The following SMC2 variants were observed in gnomAD, a reference collection of about 807,000 sequenced individuals.
The protein encoded by SMC2 is structural maintenance of chromosomes 2.
In SMC2, 41 loss-of-function variants were observed where a neutral mutation model predicts 142.6. That is an observed-to-expected ratio of 0.29 (90% CI 0.22 to 0.37). The LOEUF (loss-of-function observed/expected upper bound fraction) is 0.37. SMC2 is among the 10% of genes least tolerant of loss of function. The probability of loss-of-function intolerance (pLI) is 1.00; values close to 1 mark genes in which losing one functional copy is unlikely to be tolerated. For synonymous variants in SMC2, 463 were observed against 457.5 expected, an observed-to-expected ratio of 1.01 and a Z score of -0.15; for missense variants, 1,265 against 1,373.7, an observed-to-expected ratio of 0.92 and a Z score of 1.25.
chr9:104,137,860 A>T (rs1001413476), intron 23 of SMC2, among the ~76,000 whole-genome samples, 158 bp from the exon 24 acceptor site: 5,505 of 152,000 alleles, frequency 0.036, 328 homozygotes, highest in African/African-American at 0.13. Context: ...TTAATACAAC[A>T]AAAGTGTTAA....
intron 14 of SMC2, among the ~76,000 whole-genome samples, chr9:104,117,555 G>A (rs577134027): frequency 2.0e-5 from 3 of 152,264 alleles, no homozygotes; most frequent in South Asian, 2.1e-4. Flanking sequence ...ACTGGCAGAC[G>A]ACTGCTCTAG....
At chr9:104,096,053 T>C in intron 2 of SMC2, 95 bp from the exon 3 acceptor site, 3 of 1,109,150 alleles carry the variant, frequency 2.7e-6, no homozygotes, top group Admixed American at 4.2e-5. Context: ...GGACACTACG[T>C]TGGTGGGTTT....
At chr9:104,137,596 T>A (rs1416065379) in intron 23 of SMC2, among the ~76,000 whole-genome samples, 28 of 152,158 alleles carry the variant, frequency 1.8e-4, no homozygotes, top group Non-Finnish European at 1.5e-5. Flanking sequence ...ATTATGAAAG[T>A]TTGAAAAATG....
intron 13 of SMC2, among the ~76,000 whole-genome samples, chr9:104,115,808 C>G (rs1833039769): frequency 6.6e-6 from 1 of 152,038 alleles, no homozygotes; most frequent in South Asian, 2.1e-4. Flanking sequence ...TTTATTTATC[C>G]TACCCAACTG....
rs556682876 is a variant in SMC2, at chr9:104,133,760, T to C, written c.3109-655T>C. Among the ~76,000 whole-genome samples the C allele has an allele frequency of 3.2e-4, 48 of 152,238 alleles. No homozygotes were observed. In the South Asian group the frequency reaches 8.5e-3, roughly 27 times the overall value. ...CAAGACAGGGGCAGGCCAAACAGCT[T>C]TCTTTTCTCTTGGGATGTAATCCTG... is the stretch of plus-strand genomic sequence containing the variant. On this transcript the variant is annotated intron_variant, in intron 22 of 24. Coordinates refer to ENST00000374793, the MANE Select transcript of SMC2 (RefSeq NM_006444.3).
At chr9:104,132,197 A>G in intron 22 of SMC2, 72 bp downstream of exon 22, 1 of 790,482 alleles carries the variant, frequency 1.3e-6, no homozygotes, top group Non-Finnish European at 2.1e-6. Flanking sequence ...ATACTCTATA[A>G]GAAATTTGAA....
intron 14 of SMC2, among the ~76,000 whole-genome samples, chr9:104,117,518 CT>C (rs1380435197): frequency 6.6e-6 from 1 of 152,176 alleles, no homozygotes; most frequent in Non-Finnish European, 1.5e-5. Flanking sequence ...TACTTTTACT[CT>C]CAGTTATTGT....
In SMC2 at chr9:104,126,714, C is replaced by A; in HGVS notation, c.2525C>A (p.Ala842Asp). 1 of 1,612,510 alleles carries A rather than the reference C, an allele frequency of 6.2e-7. No individual in the cohort carries two copies. Among genetic ancestry groups the A allele is most frequent in the Non-Finnish European group, 8.5e-7 (1 of 1,179,128 alleles). ...ACATCTTACAAACAACAGCTTGAAG[C>A]TGTAAATGAAGCTATCAAATCCTAT... is the stretch of plus-strand genomic sequence containing the variant. The part of the protein sequence containing the change: ...EHTSYKQQLE[A>D]VNEAIKSYES... Residue 842 changes from alanine to aspartate, a missense_variant, in exon 19 of 25, where the codon GCT becomes GAT. By Grantham distance (126) the Ala-to-Asp change is moderately radical. Transcript: ENST00000374793.
At position 104,126,630 on chromosome 9, in the gene SMC2, A is replaced by AT. The variant is rs748397888; in HGVS notation, c.2452-5dup. On this transcript the variant is annotated splice_polypyrimidine_tract_variant and intron_variant, in intron 18 of 24. Transcript: ENST00000374793. The stretch of plus-strand genomic sequence containing the variant: ...ACCTATATGAATACCTGAATACTGT[A>AT]TTTTTTATAGGAAGTTGAAGCTATC... The AT allele has an allele frequency of 5.0e-6, 8 of 1,599,288 alleles. No individual in the cohort carries two copies. The highest frequency in any genetic ancestry group is 3.3e-4 in the Middle Eastern group (2 of 6,040).
At chr9:104,125,128 G>T in intron 18 of SMC2, 23 bp downstream of exon 18, 3 of 1,529,402 alleles carry the variant, frequency 2.0e-6, no homozygotes, top group South Asian at 2.5e-5. Flanking sequence ...TTTTGAAATT[G>T]AACCAACCTT....
intron 19 of SMC2, 35 bp from the exon 20 acceptor site, chr9:104,127,251 C>A: frequency 2.0e-6 from 3 of 1,467,912 alleles, no homozygotes; most frequent in East Asian, 2.3e-5. Flanking sequence ...TACATGTTAC[C>A]TCACCACATA....
intron 7 of SMC2, 147 bp from the exon 8 acceptor site, chr9:104,101,813 G>A (rs766646839): frequency 2.5e-5 from 14 of 553,116 alleles, no homozygotes; most frequent in Non-Finnish European, 3.8e-5. Flanking sequence ...CTGATGTTAC[G>A]TAAAGTTTCC....
intron 18 of SMC2, 134 bp downstream of exon 18, chr9:104,125,239 C>G (rs1426927530): frequency 3.1e-6 from 2 of 652,042 alleles, no homozygotes; most frequent in African/African-American, 3.7e-5. Flanking sequence ...TCTTTGGAAA[C>G]AAATTATGCT....
chr9:104,136,774 G>GTTTTTC (rs1835587125), intron 23 of SMC2, among the ~76,000 whole-genome samples: 12 of 134,616 alleles, frequency 8.9e-5, no homozygotes, highest in African/African-American at 3.4e-4. Context: ...TTTTTTTTTG[G>GTTTTTC]CTAGCAATTT....
At chr9:104,131,946 C>A in intron 21 of SMC2, 63 bp from the exon 22 acceptor site, 1 of 844,924 alleles carries the variant, frequency 1.2e-6, no homozygotes, top group Non-Finnish European at 1.9e-6. Context: ...TATTTCTGAC[C>A]AAATTCCAGA....
At chr9:104,125,612 A>G (rs1834182280) in intron 18 of SMC2, among the ~76,000 whole-genome samples, 1 of 152,144 alleles carries the variant, frequency 6.6e-6, no homozygotes. Flanking sequence ...GGAGTGGATT[A>G]TTTGATATTC....
rs372132100 is a variant in SMC2, at chr9:104,124,979, A to G, written c.2325A>G (p.Val775=). The change falls in exon 18 of 25, where the codon GTA becomes GTG. Residue 775 remains valine (V), a synonymous_variant. Transcript: ENST00000374793. ...GAAAAGCAGAAGAAAAATATGAAGTATTGGAAAATAAAATGAAAAATGCAG... is the reference window on the plus strand; with the variant it reads ...GAAAAGCAGAAGAAAAATATGAAGTGTTGGAAAATAAAATGAAAAATGCAG... The part of the protein sequence containing the change: ...IQRKAEEKYE[V]LENKMKNAEA... 20 of 1,603,190 alleles carry G rather than the reference A, an allele frequency of 1.2e-5. No individual in the cohort carries two copies. The highest frequency in any genetic ancestry group is 1.6e-5 in the Non-Finnish European group (19 of 1,177,418).
At chr9:104,127,149 T>C in intron 19 of SMC2, 137 bp from the exon 20 acceptor site, 1 of 631,276 alleles carries the variant, frequency 1.6e-6, no homozygotes. Flanking sequence ...ATATAAAATA[T>C]AGAGGGTTAG....
At position 104,132,066 on chromosome 9, in the gene SMC2, A is replaced by G; in HGVS notation, c.3049A>G (p.Thr1017Ala). ...AGAAAATGACAAATCCAAAATTCTT[A>G]CAACTATAGAAGACCTTGACCAGAA... ...IVENDKSKIL[T>A]TIEDLDQKKN... is the part of the protein sequence containing the mutation. The change falls in exon 22 of 25, where the codon ACA becomes GCA. Residue 1017 changes from threonine (T) to alanine (A), a missense_variant. Around this residue, in one of 4 missense-constraint regions of SMC2, gnomAD observed 192 missense variants for 261.9 expected, o/e 0.73. Transcript: ENST00000374793. 6.2e-7 allele frequency: 1 copy of G among 1,603,680 alleles called. No individual in the cohort carries two copies. The highest frequency in any genetic ancestry group is 8.5e-7 in the Non-Finnish European group (1 of 1,174,680).
Sources: gnomAD v4.1 joint callset for allele counts (sites outside exome capture counted in the v4.1 genomes callset) on GRCh38, gnomAD v4.1.1 for gene constraint, gnomAD v4.1.1 regional missense constraint, MANE v1.5 for transcripts, NCBI Gene and HGNC (gene_info 2026-07-23, HGNC 2026-07-21) for gene names.